Variants in EEIG1 observed in about 807,000 individuals in gnomAD.
EEIG1 encodes the protein estrogen-induced osteoclastogenesis regulator 1.
the EEIG1 span, chr9:127,953,970 G>C: frequency 6.2e-7 from 1 of 1,608,732 alleles, no homozygotes; most frequent in East Asian, 2.2e-5. Context: ...ACACATCCGC[G>C]CCAGGGGACT....
the EEIG1 span, among the ~76,000 whole-genome samples, chr9:127,948,765 G>A: frequency 2.0e-5 from 3 of 152,376 alleles, no homozygotes; most frequent in East Asian, 3.9e-4. Flanking sequence ...CCCCGGCCCT[G>A]TGTAAGGACC....
At chr9:127,958,284 C>A in the EEIG1 span, among the ~76,000 whole-genome samples, 164 of 152,214 alleles carry the variant, frequency 1.1e-3, no homozygotes, top group Middle Eastern at 6.8e-3. Context: ...ATCTTCATGA[C>A]CTTGGATTAG....
the EEIG1 span, chr9:127,948,463 C>T: frequency 6.9e-6 from 11 of 1,589,280 alleles, no homozygotes; most frequent in South Asian, 9.9e-5. Context: ...CACAGCCTGC[C>T]CAGGCGCAGG....
chr9:127,945,815 G>T, the EEIG1 span: 1 of 1,176,338 alleles, frequency 8.5e-7, no homozygotes, highest in Non-Finnish European at 1.2e-6. This position sits in a 1 kb window ranked among gnomAD's most constrained non-coding sequence, Gnocchi z 6.5. Context: ...GCTCACTGTC[G>T]CCCTTCACAA....
chr9:127,948,353 TG>T, the EEIG1 span: 1 of 1,614,038 alleles, frequency 6.2e-7, no homozygotes, highest in South Asian at 1.1e-5. Flanking sequence ...TCCCTAGGCC[TG>T]TGCCAGCACT....
the EEIG1 span, chr9:127,945,554 T>C: frequency 3.2e-6 from 5 of 1,564,322 alleles, no homozygotes; most frequent in African/African-American, 1.4e-5. The surrounding 1 kb of genome is among the most constrained non-coding windows in gnomAD (Gnocchi z 6.5). Flanking sequence ...GAGTGCTCTG[T>C]GCTGTAGCCT....
the EEIG1 span, among the ~76,000 whole-genome samples, chr9:127,975,112 G>A: frequency 6.6e-6 from 1 of 152,242 alleles, no homozygotes; most frequent in Non-Finnish European, 1.5e-5. Flanking sequence ...GGACCAGGGG[G>A]GTGGAGGCTC....
chr9:127,975,077 G>C, the EEIG1 span, among the ~76,000 whole-genome samples: 5 of 152,250 alleles, frequency 3.3e-5, no homozygotes, highest in African/African-American at 1.2e-4. Flanking sequence ...GCATTCCACA[G>C]CCTTTTCCTA....
chr9:127,977,042 A>AC, the EEIG1 span, among the ~76,000 whole-genome samples: 1 of 151,514 alleles, frequency 6.6e-6, no homozygotes, highest in East Asian at 1.9e-4. Context: ...GAACCCAGGA[A>AC]CCCCCGTCTA....
At chr9:127,961,390 TGAG>T in the EEIG1 span, among the ~76,000 whole-genome samples, 1 of 152,038 alleles carries the variant, frequency 6.6e-6, no homozygotes, top group African/African-American at 2.4e-5. Context: ...GAGGTGGGAA[TGAG>T]GATGCCAGGC....
chr9:127,953,287 A>T, the EEIG1 span: 2 of 485,946 alleles, frequency 4.1e-6, no homozygotes, highest in Non-Finnish European at 7.3e-6. Flanking sequence ...GAAAGGTCTT[A>T]ATCTATCCAA....
the EEIG1 span, among the ~76,000 whole-genome samples, chr9:127,971,509 A>G: frequency 7.2e-6 from 1 of 139,698 alleles, no homozygotes; most frequent in Non-Finnish European, 1.5e-5. Context: ...TGCTCCTGAC[A>G]CAGACTGACA....
chr9:127,979,715 G>A, the EEIG1 span, among the ~76,000 whole-genome samples: 1 of 152,232 alleles, frequency 6.6e-6, no homozygotes, highest in Non-Finnish European at 1.5e-5. Context: ...TCCCTGATAG[G>A]CTGTACATGC....
chr9:127,965,777 C>T, the EEIG1 span, among the ~76,000 whole-genome samples: 2 of 152,234 alleles, frequency 1.3e-5, no homozygotes, highest in South Asian at 4.1e-4. Flanking sequence ...GAGAATACAG[C>T]CGCCTGGGAG....
At chr9:127,950,414 C>A in the EEIG1 span, 1 of 1,613,312 alleles carries the variant, frequency 6.2e-7, no homozygotes, top group Non-Finnish European at 8.5e-7. Flanking sequence ...GTGGCAGGAT[C>A]CCTGGTACCT....
the EEIG1 span, chr9:127,945,695 G>T: frequency 6.3e-7 from 1 of 1,593,086 alleles, no homozygotes; most frequent in Non-Finnish European, 8.5e-7. The surrounding 1 kb of genome is among the most constrained non-coding windows in gnomAD (Gnocchi z 6.5). Context: ...TGCGGGAGTG[G>T]CCAGAGTGGA....
At chr9:127,966,286 C>T in the EEIG1 span, among the ~76,000 whole-genome samples, 26 of 152,236 alleles carry the variant, frequency 1.7e-4, no homozygotes, top group African/African-American at 6.3e-4. Flanking sequence ...ACCGGTCAAG[C>T]AGCAACCTTG....
At chr9:127,950,016 T>G in the EEIG1 span, among the ~76,000 whole-genome samples, 1 of 150,172 alleles carries the variant, frequency 6.7e-6, no homozygotes, top group Non-Finnish European at 1.5e-5. Flanking sequence ...AGGTGCCAGC[T>G]CTGTCTGTGA....
the EEIG1 span, chr9:127,953,430 T>G: frequency 5.6e-6 from 4 of 708,036 alleles, no homozygotes; most frequent in Non-Finnish European, 9.9e-6. Flanking sequence ...AGACCATCAA[T>G]AAAGATATTT....
Sources: allele counts gnomAD v4.1 joint callset (sites outside exome capture counted in the v4.1 genomes callset), GRCh38; gene constraint gnomAD v4.1.1; non-coding constraint Gnocchi (gnomAD v3.1); transcripts MANE v1.5; gene names NCBI Gene and HGNC (gene_info 2026-07-23, HGNC 2026-07-21).